Variants in LONRF2 observed in about 807,000 individuals in gnomAD.
LONRF2 encodes LON peptidase N-terminal domain and ring finger 2.
In LONRF2, 35 loss-of-function variants were observed where a neutral mutation model predicts 66.6. The observed-to-expected ratio is 0.53, with a 90% CI of 0.40 to 0.70. LONRF2 has a LOEUF of 0.70. Ranked by LOEUF, LONRF2 falls within the 30% of genes least tolerant of loss-of-function variation. The pLI, the probability that LONRF2 is intolerant of heterozygous loss-of-function variation, is 0.00. For synonymous variants in LONRF2, 417 were observed against 418.1 expected (o/e 1.00, Z 0.03); for missense variants, 902 against 1,002.1 (o/e 0.90, Z 1.35).
At chr2:100,306,078 G>T (rs140145007) in intron 2 of LONRF2, among the ~76,000 whole-genome samples, 5,452 of 150,222 alleles carry the variant, frequency 0.036, 145 homozygotes, top group Non-Finnish European at 0.053. Flanking sequence ...TATTTTTTGT[G>T]TGTGTGTGTA....
At chr2:100,286,469 G>A (rs1156399137) in intron 11 of LONRF2, among the ~76,000 whole-genome samples, 1 of 152,164 alleles carries the variant, frequency 6.6e-6, no homozygotes, top group Non-Finnish European at 1.5e-5. Context: ...GGGCAGCAGG[G>A]TACTTAGAGG....
At position 100,321,986 on chromosome 2, in the gene LONRF2, C is replaced by A. The variant is rs755706600; in HGVS notation, c.108G>T (p.Ala36=). The part of the protein sequence containing the change: ...RLEEGDEAFR[A]GDYEMAAELF... ...GCTCGGCTGCCATCTCGTAGTCGCC[C>A]GCGCGGAAGGCCTCGTCGCCCTCCT... The change falls in exon 1 of 12, where the codon GCG becomes GCT. Residue 36 remains alanine (A), a synonymous_variant. Coordinates refer to ENST00000393437, the MANE Select transcript of LONRF2 (RefSeq NM_198461.4). The A allele has an allele frequency of 2.9e-4, 431 of 1,464,352 alleles. No individual in the cohort carries two copies. The highest frequency in any genetic ancestry group is 3.7e-4 in the Non-Finnish European group (410 of 1,109,814). The allele number at this position is 1,464,352 out of a possible 1,614,324, so 90.7% of individuals were successfully genotyped here.
chr2:100,320,241 G>A (rs1675592784), intron 1 of LONRF2, among the ~76,000 whole-genome samples: 1 of 152,128 alleles, frequency 6.6e-6, no homozygotes, highest in Non-Finnish European at 1.5e-5. Flanking sequence ...TTACACAATA[G>A]TTCTAATTGG....
rs1312214829 is a variant in LONRF2, at chr2:100,322,170, C to G, written c.-77G>C. The G allele has an allele frequency of 1.7e-6, 2 of 1,151,684 alleles. No homozygotes were observed. Among genetic ancestry groups the G allele is most frequent in the East Asian group, 3.9e-5 (1 of 25,690 alleles). 71.3% of individuals were successfully genotyped at this position (1,151,684 alleles called of 1,614,324 possible). On this transcript the variant is annotated 5_prime_UTR_variant, in exon 1 of 12. Coordinates refer to ENST00000393437, the MANE Select transcript of LONRF2 (RefSeq NM_198461.4). ...GGATGCGCTGCTGCTGGGAACTGGC[C>G]GGCGGGAGCGCGGTCTCAGCCCTCG...
At chr2:100,304,437 A>G (rs1319004421) in intron 2 of LONRF2, among the ~76,000 whole-genome samples, 1 of 151,786 alleles carries the variant, frequency 6.6e-6, no homozygotes, top group Non-Finnish European at 1.5e-5. Flanking sequence ...CCATGAACCC[A>G]GCCAGAATTT....
chr2:100,311,997 T>G (rs190213512), intron 1 of LONRF2, among the ~76,000 whole-genome samples: 1 of 152,300 alleles, frequency 6.6e-6, no homozygotes, highest in East Asian at 1.9e-4. Context: ...CTACACATTT[T>G]TTTTTCTTGT....
chr2:100,285,643 G>A (rs1380547488), intron 11 of LONRF2, among the ~76,000 whole-genome samples: 2 of 152,174 alleles, frequency 1.3e-5, no homozygotes, highest in Non-Finnish European at 2.9e-5. Context: ...TGGTCAGAGG[G>A]ACATGTGGCT....
Position 100,302,845 on chromosome 2 carries a change from T to C in LONRF2, c.921+76A>G, listed in dbSNP as rs1675212380. The C allele has an allele frequency of 7.5e-6, 10 of 1,337,732 alleles. No individual in the cohort carries two copies. In the Admixed American group the frequency reaches 2.4e-4, roughly 32 times the overall value. 82.9% of individuals were successfully genotyped at this position (1,337,732 alleles called of 1,614,324 possible). A position where few individuals can be genotyped will look rare whatever the true frequency, so the allele number is the denominator to read the frequency against. ...AATTATATTTCTTGTTTATTTCACATGCAAGGGTTACTCAGCATGGACATG... is the reference window on the plus strand; with the variant it reads ...AATTATATTTCTTGTTTATTTCACACGCAAGGGTTACTCAGCATGGACATG... On this transcript the variant is annotated intron_variant, in intron 3 of 11. Transcript: ENST00000393437.
intron 1 of LONRF2, 142 bp from the exon 2 acceptor site, chr2:100,309,367 A>G: frequency 2.5e-6 from 1 of 399,878 alleles, no homozygotes; most frequent in Non-Finnish European, 4.4e-6. Context: ...GTATAAAAAC[A>G]AAATAAGAAA....
chr2:100,290,346 G>A lies in LONRF2; in HGVS notation c.1832C>T (p.Ala611Val), dbSNP rs751581769. The A allele has an allele frequency of 5.6e-6, 9 of 1,613,986 alleles. No individual in the cohort carries two copies. Among genetic ancestry groups the A allele is most frequent in the Non-Finnish European group, 7.6e-6 (9 of 1,180,016 alleles). ...TFPDGSSVVD[A>V]IGISRFRVLS... ...CACTCGGAACCGACTGATGCCAATC[G>A]CGTCTACAACAGAACTTCCATCAGG... The change falls in exon 10 of 12, where the codon GCG (alanine) becomes GTG (valine). Residue 611 changes from alanine to valine, a missense_variant. Ala to Val is a moderately conservative substitution (Grantham distance 64). This residue lies in a region of LONRF2 where 317 missense variants were observed against 432.2 expected (regional missense o/e 0.73). Coordinates refer to ENST00000393437, the MANE Select transcript of LONRF2 (RefSeq NM_198461.4).
At chr2:100,312,917 T>A (rs1052446335) in intron 1 of LONRF2, among the ~76,000 whole-genome samples, 1 of 152,172 alleles carries the variant, frequency 6.6e-6, no homozygotes, top group African/African-American at 2.4e-5. Context: ...AGAGAAAACA[T>A]ATGGAAGAAA....
At position 100,276,425 on chromosome 2, in the gene LONRF2, A is replaced by G. The variant is rs1354546053; in HGVS notation, c.*7873T>C. The G allele has an allele frequency of 1.3e-5, 2 of 152,204 alleles. No individual in the cohort carries two copies. The highest frequency in any genetic ancestry group is 2.9e-5 in the Non-Finnish European group (2 of 68,040). The allele number at this position is 152,204 out of a possible 1,614,324, so 9.4% of individuals were successfully genotyped here. A position where few individuals can be genotyped will look rare whatever the true frequency, so the allele number is the denominator to read the frequency against. On this transcript the variant is annotated 3_prime_UTR_variant, in exon 12 of 12. Coordinates refer to ENST00000393437, the MANE Select transcript of LONRF2 (RefSeq NM_198461.4). ...ATAGTACCCAACGCCCTAATATCCC[A>G]TATTGAACACAGACACTCTAATAAA...
At chr2:100,314,346 T>C (rs980798379) in intron 1 of LONRF2, among the ~76,000 whole-genome samples, 1 of 152,224 alleles carries the variant, frequency 6.6e-6, no homozygotes, top group African/African-American at 2.4e-5. Flanking sequence ...GCACTAATTA[T>C]GTTGTGCAGT....
At position 100,290,279 on chromosome 2, in the gene LONRF2, A is replaced by AAGATATTCAAG; in HGVS notation, c.1898_1899insCTTGAATATCT (p.Glu634LeufsTer42). 3 of 1,613,074 alleles carry AAGATATTCAAG rather than the reference A, an allele frequency of 1.9e-6. No individual in the cohort carries two copies. The highest frequency in any genetic ancestry group is 2.5e-6 in the Non-Finnish European group (3 of 1,179,698). On this transcript the variant is annotated frameshift_variant, in exon 10 of 12. Coordinates refer to ENST00000393437, the MANE Select transcript of LONRF2 (RefSeq NM_198461.4). LOFTEE classifies it high-confidence loss of function. ...TTACCTTTTCATCTTCAAGATATTC[A>AAGATATTCAAG]ATGTCCGCTGTGTTATAGCCATCTC...
In LONRF2 at chr2:100,275,746, C is replaced by T. The variant is rs544583102; in HGVS notation, c.*8552G>A. On this transcript the variant is annotated 3_prime_UTR_variant, in exon 12 of 12. Transcript: ENST00000393437. ...GCTACGTGAGCCTGTAACCACCCCC[C>T]ACCAGTGTGCCTGGGCACTCTGAAC... 1 of 152,188 alleles carries T rather than the reference C, an allele frequency of 6.6e-6. No homozygotes were observed. The highest frequency in any genetic ancestry group is 2.4e-5 in the African/African-American group (1 of 41,440). The allele number at this position is 152,188 out of a possible 1,614,324, so 9.4% of individuals were successfully genotyped here.
intron 9 of LONRF2, 61 bp from the exon 10 acceptor site, chr2:100,290,481 C>T (rs1272411704): frequency 6.6e-7 from 1 of 1,507,370 alleles, no homozygotes; most frequent in Middle Eastern, 1.8e-4. Context: ...CTTCTTTTTC[C>T]CTGGATGAGA....
chr2:100,286,820 C>A (rs757650600), intron 11 of LONRF2, 94 bp downstream of exon 11: 29 of 1,427,776 alleles, frequency 2.0e-5, no homozygotes, highest in Non-Finnish European at 2.7e-5. Flanking sequence ...ATTGGGGTAA[C>A]CAGCATCATA....
chr2:100,311,386 G>T (rs866231122), intron 1 of LONRF2, among the ~76,000 whole-genome samples: 1 of 151,756 alleles, frequency 6.6e-6, no homozygotes, highest in Non-Finnish European at 1.5e-5. Context: ...AAAAAAATGT[G>T]CTCCTGGAAG....
In LONRF2 at chr2:100,275,900, GTATT is replaced by G. The variant is rs1205927566; in HGVS notation, c.*8394_*8397del. 1 of 152,188 alleles carries G rather than the reference GTATT, an allele frequency of 6.6e-6. No individual in the cohort carries two copies. Among genetic ancestry groups the G allele is most frequent in the Non-Finnish European group, 1.5e-5 (1 of 68,058 alleles). 9.4% of individuals were successfully genotyped at this position (152,188 alleles called of 1,614,324 possible). A position where few individuals can be genotyped will look rare whatever the true frequency, so the allele number is the denominator to read the frequency against. On this transcript the variant is annotated 3_prime_UTR_variant, in exon 12 of 12. Transcript: ENST00000393437. ...CATTAAAGGTAACTAAATAGACTGTGTATTTATGCGTGTGAGTGCATATACATAC... is the reference window on the plus strand; with the variant it reads ...CATTAAAGGTAACTAAATAGACTGTGTATGCGTGTGAGTGCATATACATAC...
Sources: gnomAD v4.1 joint callset for allele counts (sites outside exome capture counted in the v4.1 genomes callset) on GRCh38, gnomAD v4.1.1 for gene constraint, gnomAD v4.1.1 regional missense constraint, MANE v1.5 for transcripts, NCBI Gene and HGNC (gene_info 2026-07-23, HGNC 2026-07-21) for gene names.